MXD4: variants seen among roughly 807,000 people sequenced by gnomAD.
MXD4 encodes MAX dimerization protein 4.
A neutral mutation model predicts 24.5 loss-of-function variants in MXD4; 16 were observed. That is an observed-to-expected ratio of 0.65 (90% confidence interval 0.44 to 0.99). The LOEUF is 0.99. Ranked by LOEUF, MXD4 falls within the 50% of genes least tolerant of loss-of-function variation. The pLI, the probability that MXD4 is intolerant of heterozygous loss-of-function variation, is 0.00. For missense variants in MXD4, 301 were observed against 301.5 expected (o/e 1.00, Z 0.01); for synonymous variants, 164 against 134.2 (o/e 1.22, Z -1.54).
intron 3 of MXD4, among the ~76,000 whole-genome samples, chr4:2,255,732 G>A (rs1350225737): frequency 2.0e-5 from 3 of 152,146 alleles, no homozygotes; most frequent in Non-Finnish European, 2.9e-5. Context: ...GGCAGAACCC[G>A]CCTGCAGGAC....
At chr4:2,259,283 G>A (rs768114165) in intron 2 of MXD4, among the ~76,000 whole-genome samples, 27 of 152,230 alleles carry the variant, frequency 1.8e-4, no homozygotes, top group Non-Finnish European at 2.5e-4. Context: ...TGTAGCCTCA[G>A]CAGAGCCTCC....
Position 2,250,709 on chromosome 4 carries a change from G to A in MXD4, c.473-8C>T, listed in dbSNP as rs768998259. ...TGCCCTCTATGTCCACTTCTAGGGA[G>A]AATAGAGTGGGGATGGGGTCAGGCC... On this transcript the variant is annotated splice_region_variant and splice_polypyrimidine_tract_variant and intron_variant, in intron 5 of 5. Coordinates refer to ENST00000337190, the MANE Select transcript of MXD4 (RefSeq NM_006454.3). 1.9e-6 allele frequency: 3 copies of A among 1,611,308 alleles called. No homozygotes were observed. The highest frequency in any genetic ancestry group is 2.7e-5 in the African/African-American group (2 of 74,866).
intron 2 of MXD4, among the ~76,000 whole-genome samples, chr4:2,258,417 G>A (rs1735474427): frequency 6.6e-6 from 1 of 152,120 alleles, no homozygotes; most frequent in Admixed American, 6.5e-5. Context: ...GCTGACAGGA[G>A]GACCTAGGCC....
At chr4:2,257,894 G>A in intron 3 of MXD4, 88 bp downstream of exon 3, 1 of 1,556,268 alleles carries the variant, frequency 6.4e-7, no homozygotes, top group African/African-American at 1.4e-5. Context: ...CCGTGCCCGG[G>A]ACAGGGGCAG....
intron 2 of MXD4, 97 bp downstream of exon 2, chr4:2,261,628 A>AGGGCCGC: frequency 1.6e-6 from 1 of 641,444 alleles, no homozygotes; most frequent in Non-Finnish European, 2.0e-6. Context: ...GGCGGCGCTG[A>AGGGCCGC]GGGCCGCGGG....
At position 2,250,398 on chromosome 4, in the gene MXD4, C is replaced by A; in HGVS notation, c.*146G>T. The A allele has an allele frequency of 9.0e-7, 1 of 1,106,750 alleles. No individual in the cohort carries two copies. The highest frequency in any genetic ancestry group is 1.2e-6 in the Non-Finnish European group (1 of 803,152). The allele number at this position is 1,106,750 out of a possible 1,614,324, so 68.6% of individuals were successfully genotyped here. On this transcript the variant is annotated 3_prime_UTR_variant, in exon 6 of 6. Transcript: ENST00000337190. ...CGGCAGGCCCTGACCGGCAAGCGGG[C>A]AGTGCCAGGCAGCCCAGCAGCAGCT...
At position 2,258,919 on chromosome 4, in the gene MXD4, C is replaced by T. The variant is rs1395638796; in HGVS notation, c.165-908G>A. On this transcript the variant is annotated intron_variant, in intron 2 of 5. Transcript: ENST00000337190. Reference sequence around the variant, plus strand: ...CCATTCAGACGCGGGCACACAATTCCCAGCACCACAGGGTGTGCCACAGCA... The same window carrying T: ...CCATTCAGACGCGGGCACACAATTCTCAGCACCACAGGGTGTGCCACAGCA... 6.6e-6 allele frequency: 3 copies of T among 456,026 alleles called. No individual in the cohort carries two copies. The East Asian group carries it at 2.1e-4, about 32-fold the overall frequency. 28.2% of individuals were successfully genotyped at this position (456,026 alleles called of 1,614,324 possible).
At chr4:2,252,088 A>G (rs2071657) in intron 4 of MXD4, among the ~76,000 whole-genome samples, 48,922 of 151,790 alleles carry the variant, frequency 0.32, 12,065 homozygotes, top group African/African-American at 0.68. Context: ...ACAGCCCAGG[A>G]CCCCAGAGAG....
intron 2 of MXD4, 99 bp from the exon 3 acceptor site, chr4:2,258,110 G>T: frequency 6.9e-7 from 1 of 1,454,842 alleles, no homozygotes; most frequent in Non-Finnish European, 9.5e-7. Context: ...GCAGACAGTG[G>T]CTGGCTGTGT....
rs1735318324 is a variant in MXD4, at chr4:2,251,300, C to T, written c.310-54G>A. ...AGCGGGAAGAGGAGTCCCCCCATCC[C>T]CCTGGCCAGGCACTGGGGCACCCAG... On this transcript the variant is annotated intron_variant, in intron 4 of 5. Transcript: ENST00000337190. The T allele has an allele frequency of 4.0e-6, 6 of 1,489,084 alleles. No homozygotes were observed. The African/African-American group carries it at 7.0e-5, about 17-fold the overall frequency. The allele number at this position is 1,489,084 out of a possible 1,614,324, so 92.2% of individuals were successfully genotyped here. A position where few individuals can be genotyped will look rare whatever the true frequency, so the allele number is the denominator to read the frequency against.
chr4:2,261,020 G>A (rs995696901), intron 2 of MXD4, among the ~76,000 whole-genome samples: 10 of 152,220 alleles, frequency 6.6e-5, no homozygotes, highest in Non-Finnish European at 1.2e-4. Flanking sequence ...GGCGCAGCTG[G>A]CACCCGTAGT....
At position 2,261,648 on chromosome 4, in the gene MXD4, G is replaced by C. The variant is rs557624372; in HGVS notation, c.164+77C>G. ...CGCTGAGGGCCGCGGGCCGGGAATC[G>C]GGGCCCGGAGAGCACGCTCCGGGCG... is the stretch of plus-strand genomic sequence containing the variant. On this transcript the variant is annotated intron_variant, in intron 2 of 5. Transcript: ENST00000337190. The C allele has an allele frequency of 3.7e-4, 328 of 891,016 alleles. 1 individual carries two copies. The African/African-American group carries it at 5.1e-3, about 14-fold the overall frequency. 55.2% of individuals were successfully genotyped at this position (891,016 alleles called of 1,614,324 possible). A position where few individuals can be genotyped will look rare whatever the true frequency, so the allele number is the denominator to read the frequency against.
intron 4 of MXD4, 39 bp downstream of exon 4, chr4:2,252,369 C>A (rs1196946405): frequency 6.5e-7 from 1 of 1,535,810 alleles, no homozygotes; most frequent in East Asian, 2.2e-5. Flanking sequence ...GACACTGAGG[C>A]AGCCAGACAG....
At position 2,261,735 on chromosome 4, in the gene MXD4, G is replaced by C. The variant is rs1278735976; in HGVS notation, c.154C>G (p.Pro52Ala). 4 of 1,409,354 alleles carry C rather than the reference G, an allele frequency of 2.8e-6. No individual in the cohort carries two copies. Among genetic ancestry groups the C allele is most frequent in the Admixed American group, 2.5e-5 (1 of 40,790 alleles). 87.3% of individuals were successfully genotyped at this position (1,409,354 alleles called of 1,614,324 possible). ...AGCGGGGGGCGGTACCTGTTGTTCG[G>C]GGCCTTGCGCACCAGGCCGGCCGCC... The part of the protein sequence containing the change: ...TKAAGLVRKA[P>A]NNRSSHNELE... The change falls in exon 2 of 6, where the codon CCG (proline) becomes GCG (alanine). Residue 52 changes from proline (P) to alanine (A), a missense_variant. Coordinates refer to ENST00000337190, the MANE Select transcript of MXD4 (RefSeq NM_006454.3).
chr4:2,254,352 T>TA (rs1360626985), intron 3 of MXD4: 1 of 152,164 alleles, frequency 6.6e-6, no homozygotes, highest in Non-Finnish European at 1.5e-5. Flanking sequence ...CAATTTTGTT[T>TA]AAAAAATAAA....
chr4:2,261,758 G>T lies in MXD4; in HGVS notation c.131C>A (p.Ala44Glu). The change falls in exon 2 of 6, where the codon GCG becomes GAG. Residue 44 changes from alanine to glutamate, a missense_variant. Coordinates refer to ENST00000337190, the MANE Select transcript of MXD4 (RefSeq NM_006454.3). Reference protein sequence around the residue: ...DGDFAREKTKAAGLVRKAPNN... With the variant: ...DGDFAREKTKEAGLVRKAPNN... The stretch of plus-strand genomic sequence containing the variant: ...CGGGGCCTTGCGCACCAGGCCGGCC[G>T]CCTTTGTTTTCTCCCTGGCGAAGTC... The T allele has an allele frequency of 2.1e-6, 3 of 1,429,776 alleles. No individual in the cohort carries two copies. The highest frequency in any genetic ancestry group is 2.8e-6 in the Non-Finnish European group (3 of 1,084,738). 88.6% of individuals were successfully genotyped at this position (1,429,776 alleles called of 1,614,324 possible). A position where few individuals can be genotyped will look rare whatever the true frequency, so the allele number is the denominator to read the frequency against.
rs536338446 is a variant in MXD4, at chr4:2,255,065, G to A, written c.195-2543C>T. The A allele has an allele frequency of 2.6e-4, 91 of 354,376 alleles. 1 individual carries two copies. Among genetic ancestry groups the A allele is most frequent in the South Asian group, 1.9e-3 (90 of 47,938 alleles). 22.0% of individuals were successfully genotyped at this position (354,376 alleles called of 1,614,324 possible). On this transcript the variant is annotated intron_variant, in intron 3 of 5. Coordinates refer to ENST00000337190, the MANE Select transcript of MXD4 (RefSeq NM_006454.3). ...GTGTAAACCAGAGGGTCATCACAAA[G>A]AACGCTGGTGGCACAGCCAAGTGTC...
intron 3 of MXD4, among the ~76,000 whole-genome samples, chr4:2,257,461 C>T (rs1215153327): frequency 6.6e-6 from 1 of 152,210 alleles, no homozygotes; most frequent in Admixed American, 6.5e-5. Context: ...GAGCCTGCAG[C>T]CCTAGCTGCC....
At chr4:2,261,349 A>G (rs1735540442) in intron 2 of MXD4, among the ~76,000 whole-genome samples, 1 of 152,148 alleles carries the variant, frequency 6.6e-6, no homozygotes, top group Non-Finnish European at 1.5e-5. Flanking sequence ...ACCCTGGCTG[A>G]GCCTGTTTCC....
Sources: gnomAD v4.1 joint callset for allele counts (sites outside exome capture counted in the v4.1 genomes callset) on GRCh38, gnomAD v4.1.1 for gene constraint, MANE v1.5 for transcripts, NCBI Gene and HGNC (gene_info 2026-07-23, HGNC 2026-07-21) for gene names.